Variants in MTUS2 observed in about 807,000 individuals in gnomAD.
MTUS2 encodes microtubule associated scaffold protein 2.
MTUS2 carries 40 observed loss-of-function variants against 114.1 expected under a neutral mutation model. The observed-to-expected ratio is 0.35, with a 90% CI of 0.27 to 0.46. The LOEUF (loss-of-function observed/expected upper bound fraction) is 0.46. Ranked by LOEUF, MTUS2 falls within the 20% of genes least tolerant of loss-of-function variation. MTUS2 has a pLI of 1.00. For missense variants in MTUS2, 1,679 were observed against 1,705.4 expected, an observed-to-expected ratio of 0.98 and a Z score of 0.27; for synonymous variants, 688 against 672.0, an observed-to-expected ratio of 1.02 and a Z score of -0.37.
In MTUS2 at chr13:29,034,063, G is replaced by T. The variant is rs757330098; in HGVS notation, c.2384G>T (p.Ser795Ile). 1.9e-6 allele frequency: 3 copies of T among 1,613,994 alleles called. No homozygotes were observed. In the Admixed American group the frequency reaches 5.0e-5, roughly 27 times the overall value. ...ATTGCAAGTCAGAGGTCTTCAGCGA[G>T]CGCCATCCACCCACCAGGACCCATA... is the stretch of plus-strand genomic sequence containing the variant. The part of the protein sequence containing the change: ...ILIASQRSSA[S>I]AIHPPGPITT... The change falls in exon 4 of 16, where the codon AGC becomes ATC. Residue 795 changes from serine (S) to isoleucine (I), a missense_variant. Transcript: ENST00000612955.
rs751020009 is a variant in MTUS2, at chr13:29,071,409, ATTTTTTTTTTTTTTTTT to A, written c.2447-29346_2447-29330del. Reference sequence around the variant, plus strand: ...TTTAAAAGATCTCTATGTTGCTTGAATTTTTTTTTTTTTTTTTTTTTTTTTTTTTTTTTTGAGACAGA... The same window carrying A: ...TTTAAAAGATCTCTATGTTGCTTGAATTTTTTTTTTTTTTTTTGAGACAGA... On this transcript the variant is annotated intron_variant, in intron 4 of 15. Transcript: ENST00000612955. Among the ~76,000 whole-genome samples the A allele has an allele frequency of 2.5e-3, 115 of 46,148 alleles. 1 individual carries two copies. Among genetic ancestry groups the A allele is most frequent in the African/African-American group, 0.012 (108 of 9,176 alleles). 30.3% of individuals were successfully genotyped at this position (46,148 alleles called of 152,430 possible). A position where few individuals can be genotyped will look rare whatever the true frequency, so the allele number is the denominator to read the frequency against.
At chr13:29,433,798 G>T (rs1434913106) in intron 8 of MTUS2, among the ~76,000 whole-genome samples, 4 of 152,146 alleles carry the variant, frequency 2.6e-5, no homozygotes, top group African/African-American at 9.7e-5. Flanking sequence ...AGAGCCCTAC[G>T]TAAAAAAGCA....
chr13:29,334,483 A>G (rs1900950057), intron 7 of MTUS2, among the ~76,000 whole-genome samples: 1 of 152,188 alleles, frequency 6.6e-6, no homozygotes, highest in South Asian at 2.1e-4. Context: ...TTGGCTGGAT[A>G]TGAAATTCTG....
intron 5 of MTUS2, among the ~76,000 whole-genome samples, chr13:29,157,145 C>T (rs1892895336): frequency 6.6e-6 from 1 of 152,112 alleles, no homozygotes; most frequent in African/African-American, 2.4e-5. Context: ...CGGTTTGTTT[C>T]CAATGTGGAA....
chr13:29,005,166 G>A (rs1043172446), intron 2 of MTUS2, among the ~76,000 whole-genome samples: 2 of 152,200 alleles, frequency 1.3e-5, no homozygotes, highest in Non-Finnish European at 2.9e-5. Flanking sequence ...CTTAATGTAC[G>A]TAGGGTGAGT....
intron 5 of MTUS2, among the ~76,000 whole-genome samples, chr13:29,113,815 T>C (rs1890975965): frequency 6.6e-6 from 1 of 152,138 alleles, no homozygotes; most frequent in South Asian, 2.1e-4. Flanking sequence ...TGATACGGTT[T>C]GGATGTGTGT....
At chr13:28,978,991 G>A (rs1444336513) in intron 2 of MTUS2, among the ~76,000 whole-genome samples, 1 of 152,170 alleles carries the variant, frequency 6.6e-6, no homozygotes, top group African/African-American at 2.4e-5. Flanking sequence ...AAGCAGCCCC[G>A]TGGATCATTC....
At chr13:29,445,302 A>G (rs1372696397) in intron 9 of MTUS2, among the ~76,000 whole-genome samples, 2 of 152,058 alleles carry the variant, frequency 1.3e-5, no homozygotes, top group African/African-American at 4.8e-5. Flanking sequence ...CAGTGATTCC[A>G]TTCAGTTCTG....
At position 29,505,720 on chromosome 13, in the gene MTUS2, G is replaced by A. The variant is rs951487358; in HGVS notation, c.*2514G>A. The A allele has an allele frequency of 1.3e-5, 3 of 229,126 alleles. No homozygotes were observed. Among genetic ancestry groups the A allele is most frequent in the African/African-American group, 2.2e-5 (1 of 45,036 alleles). 14.2% of individuals were successfully genotyped at this position (229,126 alleles called of 1,614,324 possible). A position where few individuals can be genotyped will look rare whatever the true frequency, so the allele number is the denominator to read the frequency against. On this transcript the variant is annotated 3_prime_UTR_variant, in exon 16 of 16. Coordinates refer to ENST00000612955, the MANE Select transcript of MTUS2 (RefSeq NM_001033602.4). ...CCCACCAGATACCACCTGTCTCTTC[G>A]TGGCATTTGGGAGATGCGTGGGCGG... is the stretch of plus-strand genomic sequence containing the variant.
chr13:29,389,454 C>CGT lies in MTUS2; in HGVS notation c.3117+29988_3117+29989dup, dbSNP rs1415339502. ...ACGTGTGTGTATGTGTATGTATACA[C>CGT]GTGTGTGTATGTGTATATGTATACA... On this transcript the variant is annotated intron_variant, in intron 8 of 15. Transcript: ENST00000612955. 1.9e-4 allele frequency among the ~76,000 whole-genome samples: 18 copies of CGT among 94,558 alleles called. 1 individual carries two copies. The highest frequency in any genetic ancestry group is 5.9e-4 in the African/African-American group (16 of 27,296). The allele number at this position is 94,558 out of a possible 152,430, so 62.0% of individuals were successfully genotyped here.
intron 5 of MTUS2, among the ~76,000 whole-genome samples, chr13:29,222,631 C>T (rs1421857522): frequency 1.3e-5 from 2 of 152,222 alleles, no homozygotes; most frequent in Non-Finnish European, 1.5e-5. Context: ...CCAGCAGGAG[C>T]CAGGAACGGG....
intron 2 of MTUS2, among the ~76,000 whole-genome samples, chr13:28,863,757 G>C (rs558376633): frequency 6.6e-6 from 1 of 152,162 alleles, no homozygotes; most frequent in African/African-American, 2.4e-5. Context: ...GATTGAAATG[G>C]TGTCACCTTT....
At chr13:28,902,557 TA>T (rs984678970) in intron 2 of MTUS2, among the ~76,000 whole-genome samples, 20 of 149,334 alleles carry the variant, frequency 1.3e-4, no homozygotes, top group African/African-American at 7.3e-5. Flanking sequence ...TTGGATTTTG[TA>T]AAAAAAAAAA....
chr13:28,869,642 G>A (rs1173947178), intron 2 of MTUS2, among the ~76,000 whole-genome samples: 8 of 152,072 alleles, frequency 5.3e-5, no homozygotes, highest in Non-Finnish European at 8.8e-5. Context: ...GTGGTGGTGC[G>A]TGCCTGTAGT....
rs140101044 is a variant in MTUS2 at position 29,480,535 on chromosome 13, C to G, written c.3399+171C>G. The stretch of plus-strand genomic sequence containing the variant: ...CCGCTCCTCTCTTCTCCTCCAGCCA[C>G]TGTGGCCTCCTTCACTCTTCCTCAG... On this transcript the variant is annotated intron_variant, in intron 10 of 15. Transcript: ENST00000612955. The surrounding 1 kb of genome is among the most constrained non-coding windows in gnomAD (Gnocchi z 4.4). Among the ~76,000 whole-genome samples the G allele has an allele frequency of 0.012, 1,836 of 152,326 alleles. 19 individuals are homozygous for G. The highest frequency in any genetic ancestry group is 0.018 in the Non-Finnish European group (1,237 of 68,030).
intron 2 of MTUS2, among the ~76,000 whole-genome samples, chr13:28,915,963 G>T (rs1270910783): frequency 6.6e-6 from 1 of 151,706 alleles, no homozygotes; most frequent in Non-Finnish European, 1.5e-5. Context: ...CTATTTTTAT[G>T]TGATTTTTGT....
intron 7 of MTUS2, among the ~76,000 whole-genome samples, chr13:29,343,669 G>T (rs1455557811): frequency 6.7e-6 from 1 of 149,254 alleles, no homozygotes; most frequent in Non-Finnish European, 1.5e-5. Flanking sequence ...TCTGATCTTT[G>T]TTATTTCTTC....
intron 5 of MTUS2, among the ~76,000 whole-genome samples, chr13:29,145,588 G>T (rs191669617): frequency 6.6e-6 from 1 of 152,074 alleles, no homozygotes; most frequent in Non-Finnish European, 1.5e-5. Flanking sequence ...GTTCAGTTTA[G>T]GTTTGTTTTT....
At chr13:29,464,278 G>A (rs147624654) in intron 9 of MTUS2, among the ~76,000 whole-genome samples, 147 of 152,368 alleles carry the variant, frequency 9.6e-4, no homozygotes, top group African/African-American at 3.4e-3. Flanking sequence ...AAGCCTGGAA[G>A]CAAATTCAGT....
Sources: gnomAD v4.1 joint callset for allele counts (sites outside exome capture counted in the v4.1 genomes callset) on GRCh38, gnomAD v4.1.1 for gene constraint, Gnocchi (gnomAD v3.1) non-coding constraint, MANE v1.5 for transcripts, NCBI Gene and HGNC (gene_info 2026-07-23, HGNC 2026-07-21) for gene names.